The following KCNJ3 variants were observed in gnomAD, a reference collection of about 807,000 sequenced individuals.
KCNJ3 encodes the protein G protein-activated inward rectifier potassium channel 1.
In KCNJ3, 4 loss-of-function variants were observed where a neutral mutation model predicts 39.2. That is an observed-to-expected ratio of 0.10 (90% CI 0.05 to 0.23). The LOEUF (loss-of-function observed/expected upper bound fraction) is 0.23, where lower values mean the gene tolerates loss of function less well. Among genes scored for constraint, KCNJ3 ranks in the 10% least tolerant of loss-of-function variants. The probability of loss-of-function intolerance (pLI) is 1.00; values close to 1 mark genes in which losing one functional copy is unlikely to be tolerated. For missense variants in KCNJ3, 276 were observed against 634.9 expected, an observed-to-expected ratio of 0.43 and a Z score of 6.08; for synonymous variants, 230 against 237.4, an observed-to-expected ratio of 0.97 and a Z score of 0.29.
Position 154,850,008 on chromosome 2 carries a change from CT to C in KCNJ3, c.920-4683del, listed in dbSNP as rs373062062. Reference sequence around the variant, plus strand: ...TTGCAATGCAATGTACAGAATAAATCTTTTTTTTTTTTTTTTTTTTTTTTTT... The same window carrying C: ...TTGCAATGCAATGTACAGAATAAATCTTTTTTTTTTTTTTTTTTTTTTTTT... On this transcript the variant is annotated intron_variant, in intron 2 of 2. Transcript: ENST00000295101. 2.3e-3 allele frequency among the ~76,000 whole-genome samples: 110 copies of C among 48,846 alleles called. 1 individual carries two copies. Among genetic ancestry groups the C allele is most frequent in the Middle Eastern group, 0.02 (1 of 50 alleles). The allele number at this position is 48,846 out of a possible 152,430, so 32.0% of individuals were successfully genotyped here. A position where few individuals can be genotyped will look rare whatever the true frequency, so the allele number is the denominator to read the frequency against.
intron 2 of KCNJ3, among the ~76,000 whole-genome samples, chr2:154,829,313 T>C (rs757600797): frequency 7.2e-5 from 11 of 152,156 alleles, no homozygotes; most frequent in Non-Finnish European, 1.2e-4. Flanking sequence ...CTGGTGTCTA[T>C]TGTTTCCTTC....
intron 2 of KCNJ3, among the ~76,000 whole-genome samples, chr2:154,730,005 TAAC>T (rs1293524942): frequency 3.3e-5 from 5 of 152,004 alleles, no homozygotes; most frequent in Non-Finnish European, 2.9e-5. Context: ...TTACCGTCTG[TAAC>T]ACTTGCTTTT....
chr2:154,763,968 T>C (rs545348909), intron 2 of KCNJ3, among the ~76,000 whole-genome samples: 28 of 152,330 alleles, frequency 1.8e-4, no homozygotes, highest in Admixed American at 1.8e-3. Context: ...AAAGAGTCTA[T>C]GCTGCATATC....
At chr2:154,846,256 A>G (rs2937600) in intron 2 of KCNJ3, among the ~76,000 whole-genome samples, 47,331 of 151,984 alleles carry the variant, frequency 0.31, 7,592 homozygotes, top group East Asian at 0.4. Flanking sequence ...TCAAATTGCC[A>G]GAAATTAACA....
rs185723845 is a variant in KCNJ3, at chr2:154,751,579, G to C, written c.919+41760G>C. Among the ~76,000 whole-genome samples the C allele has an allele frequency of 2.8e-3, 422 of 152,124 alleles. 1 individual carries two copies. Among genetic ancestry groups the C allele is most frequent in the African/African-American group, 9.6e-3 (398 of 41,548 alleles). ...TACATTTCACCTAAAAGGCTGAAAG[G>C]TTAAAGCAGTCTCTCATAATATGTA... On this transcript the variant is annotated intron_variant, in intron 2 of 2. Coordinates refer to ENST00000295101, the MANE Select transcript of KCNJ3 (RefSeq NM_002239.4).
intron 2 of KCNJ3, among the ~76,000 whole-genome samples, chr2:154,841,884 C>G (rs1456795436): frequency 6.6e-6 from 1 of 151,976 alleles, no homozygotes; most frequent in Non-Finnish European, 1.5e-5. Context: ...TTCAAAAAAC[C>G]AGCTCCTGGA....
At chr2:154,785,308 A>G (rs553977141) in intron 2 of KCNJ3, among the ~76,000 whole-genome samples, 38 of 152,282 alleles carry the variant, frequency 2.5e-4, no homozygotes, top group African/African-American at 9.1e-4. Flanking sequence ...GTTGGTAGGT[A>G]TGGTTTCTTC....
At chr2:154,829,952 T>A (rs2105118291) in intron 2 of KCNJ3, among the ~76,000 whole-genome samples, 1 of 152,290 alleles carries the variant, frequency 6.6e-6, no homozygotes, top group East Asian at 1.9e-4. Context: ...TCCCAAATAT[T>A]ATTTATAAAT....
intron 2 of KCNJ3, among the ~76,000 whole-genome samples, chr2:154,840,183 TTAAA>T (rs1380213046): frequency 1.3e-5 from 2 of 152,312 alleles, no homozygotes; most frequent in Non-Finnish European, 2.9e-5. Context: ...GCACCATTTA[TTAAA>T]TAAATAGGGA....
chr2:154,797,485 G>A lies in KCNJ3; in HGVS notation c.920-57242G>A, dbSNP rs1239880859. ...AACCCCACTGTCTATAGTTTAGTGT[G>A]GTATCTGATGATTTTAGCCATGGTT... On this transcript the variant is annotated intron_variant, in intron 2 of 2. Coordinates refer to ENST00000295101, the MANE Select transcript of KCNJ3 (RefSeq NM_002239.4). 2.0e-5 allele frequency among the ~76,000 whole-genome samples: 3 copies of A among 152,084 alleles called. No individual in the cohort carries two copies. The East Asian group carries it at 5.8e-4, about 29-fold the overall frequency.
chr2:154,839,752 A>G (rs997593135), intron 2 of KCNJ3, among the ~76,000 whole-genome samples: 1 of 152,100 alleles, frequency 6.6e-6, no homozygotes, highest in Admixed American at 6.6e-5. Context: ...GTGTCTGTTC[A>G]TATCCTTTGC....
intron 2 of KCNJ3, among the ~76,000 whole-genome samples, chr2:154,767,194 T>TA (rs201643643): frequency 0.036 from 5,316 of 149,138 alleles, 262 homozygotes; most frequent in African/African-American, 0.12. Flanking sequence ...ACCTTTTTTT[T>TA]TAAAATTATA....
At chr2:154,756,230 A>AATAATG (rs1459885611) in intron 2 of KCNJ3, among the ~76,000 whole-genome samples, 4 of 152,156 alleles carry the variant, frequency 2.6e-5, no homozygotes, top group African/African-American at 9.7e-5. Flanking sequence ...CTAGATAAAT[A>AATAATG]ATAATGATAA....
At chr2:154,801,470 C>T (rs1686815061) in intron 2 of KCNJ3, among the ~76,000 whole-genome samples, 1 of 150,902 alleles carries the variant, frequency 6.6e-6, no homozygotes, top group African/African-American at 2.4e-5. Flanking sequence ...GGCCCCCTTC[C>T]TCCCTCCCTC....
At chr2:154,747,043 GGTA>G in intron 2 of KCNJ3, among the ~76,000 whole-genome samples, 1 of 151,926 alleles carries the variant, frequency 6.6e-6, no homozygotes, top group African/African-American at 2.4e-5. Context: ...TTGTACAACA[GGTA>G]GCACATCTCA....
At chr2:154,715,190 GT>G (rs1441146430) in intron 2 of KCNJ3, among the ~76,000 whole-genome samples, 1 of 152,162 alleles carries the variant, frequency 6.6e-6, no homozygotes, top group Non-Finnish European at 1.5e-5. Context: ...CACAGTAGTT[GT>G]TTCAGAAATG....
chr2:154,732,040 G>A (rs1050763663), intron 2 of KCNJ3, among the ~76,000 whole-genome samples: 4 of 152,030 alleles, frequency 2.6e-5, no homozygotes, highest in Non-Finnish European at 5.9e-5. Context: ...ATTTGTAAAT[G>A]AGGAAATGTC....
chr2:154,800,564 C>A (rs111405745), intron 2 of KCNJ3, among the ~76,000 whole-genome samples: 1 of 152,054 alleles, frequency 6.6e-6, no homozygotes, highest in African/African-American at 2.4e-5. Context: ...TTAAATTCTA[C>A]TTTTTATTGC....
At chr2:154,730,570 C>T (rs997730011) in intron 2 of KCNJ3, among the ~76,000 whole-genome samples, 4 of 151,950 alleles carry the variant, frequency 2.6e-5, no homozygotes, top group Middle Eastern at 3.2e-3. Context: ...TTTAGTGATT[C>T]GGTGTTAACC....
Sources: allele counts gnomAD v4.1 joint callset (sites outside exome capture counted in the v4.1 genomes callset), GRCh38; gene constraint gnomAD v4.1.1; transcripts MANE v1.5; gene names NCBI Gene and HGNC (gene_info 2026-07-23, HGNC 2026-07-21).